FZD1: variants seen among roughly 807,000 people sequenced by gnomAD.
FZD1 encodes the protein frizzled-1.
In FZD1, 22 loss-of-function variants were observed where a neutral mutation model predicts 48.0. The observed-to-expected ratio is 0.46, with a 90% confidence interval of 0.33 to 0.65. FZD1 has a LOEUF of 0.65. Ranked by LOEUF, FZD1 falls within the 30% of genes least tolerant of loss-of-function variation. FZD1 has a pLI of 0.02. For missense variants in FZD1, 843 were observed against 898.1 expected (o/e 0.94, Z 0.78); for synonymous variants, 486 against 409.6 (o/e 1.19, Z -2.25).
Position 91,267,413 on chromosome 7 carries a change from CCTT to C in FZD1, c.*592_*594del, listed in dbSNP as rs1284748615. 1 of 167,766 alleles carries C rather than the reference CCTT, an allele frequency of 6.0e-6. No individual in the cohort carries two copies. Among genetic ancestry groups the C allele is most frequent in the African/African-American group, 2.4e-5 (1 of 41,468 alleles). 10.4% of individuals were successfully genotyped at this position (167,766 alleles called of 1,614,324 possible). A position where few individuals can be genotyped will look rare whatever the true frequency, so the allele number is the denominator to read the frequency against. On this transcript the variant is annotated 3_prime_UTR_variant, in exon 1 of 1. Transcript: ENST00000287934. ...CCTCCTCCTTTTGCCCCCTCCCCCTCCTTCTGTCCCCTCCCTTTCTTTCCTGGC... is the reference window on the plus strand; with the variant it reads ...CCTCCTCCTTTTGCCCCCTCCCCCTCCTGTCCCCTCCCTTTCTTTCCTGGC...
At position 91,264,719 on chromosome 7, in the gene FZD1, G is replaced by T. The variant is rs1183724267; in HGVS notation, c.-162G>T. On this transcript the variant is annotated 5_prime_UTR_variant, in exon 1 of 1. Coordinates refer to ENST00000287934, the MANE Select transcript of FZD1 (RefSeq NM_003505.2). Reference sequence around the variant, plus strand: ...AATCGCAAGTTTCCGCGGCGGCGGCGGCTGCGGTACGCAGAACAGGAGCCG... The same window carrying T: ...AATCGCAAGTTTCCGCGGCGGCGGCTGCTGCGGTACGCAGAACAGGAGCCG... 1 of 432,468 alleles carries T rather than the reference G, an allele frequency of 2.3e-6. No homozygotes were observed. Among genetic ancestry groups the T allele is most frequent in the Admixed American group, 4.4e-5 (1 of 22,528 alleles). 26.8% of individuals were successfully genotyped at this position (432,468 alleles called of 1,614,324 possible).
chr7:91,264,873 G>A lies in FZD1; in HGVS notation c.-8G>A, dbSNP rs770288124. 5.9e-5 allele frequency: 76 copies of A among 1,289,668 alleles called. No individual in the cohort carries two copies. Among genetic ancestry groups the A allele is most frequent in the Non-Finnish European group, 7.1e-5 (73 of 1,022,410 alleles). 79.9% of individuals were successfully genotyped at this position (1,289,668 alleles called of 1,614,324 possible). A position where few individuals can be genotyped will look rare whatever the true frequency, so the allele number is the denominator to read the frequency against. On this transcript the variant is annotated 5_prime_UTR_variant, in exon 1 of 1. Transcript: ENST00000287934. ...GCGGAGCGGCGCCAAGAGAGGAGCC[G>A]AGAAAGTATGGCTGAGGAGGAGGCG...
rs1168321048 is a variant in FZD1 at position 91,266,080 on chromosome 7, G to A, written c.1200G>A (p.Glu400=). 1 of 1,614,242 alleles carries A rather than the reference G, an allele frequency of 6.2e-7. No homozygotes were observed. The highest frequency in any genetic ancestry group is 8.5e-7 in the Non-Finnish European group (1 of 1,180,050). ...ARTVAQGTKK[E]GCTILFMMLY... Reference sequence around the variant, plus strand: ...CTGTGGCGCAGGGCACCAAGAAGGAGGGCTGCACCATCCTCTTCATGATGC... The same window carrying A: ...CTGTGGCGCAGGGCACCAAGAAGGAAGGCTGCACCATCCTCTTCATGATGC... Residue 400 remains glutamate, a synonymous_variant, in exon 1 of 1, where the codon GAG becomes GAA. Coordinates refer to ENST00000287934, the MANE Select transcript of FZD1 (RefSeq NM_003505.2). This position sits in a 1 kb window ranked among gnomAD's most constrained non-coding sequence, Gnocchi z 6.8.
At position 91,266,987 on chromosome 7, in the gene FZD1, T is replaced by TC. The variant is rs1803895212; in HGVS notation, c.*166dup. The TC allele has an allele frequency of 1.7e-6, 1 of 584,144 alleles. No homozygotes were observed. Among genetic ancestry groups the TC allele is most frequent in the African/African-American group, 1.9e-5 (1 of 53,516 alleles). The allele number at this position is 584,144 out of a possible 1,614,324, so 36.2% of individuals were successfully genotyped here. On this transcript the variant is annotated 3_prime_UTR_variant, in exon 1 of 1. Coordinates refer to ENST00000287934, the MANE Select transcript of FZD1 (RefSeq NM_003505.2). This position sits in a 1 kb window ranked among gnomAD's most constrained non-coding sequence, Gnocchi z 6.8. ...AACTCAGCTCCTGCAAAAGCTTCCG[T>TC]CCCTGAGGCAAAAGGACACGAGGGC...
chr7:91,266,950 G>C lies in FZD1; in HGVS notation c.*126G>C. ...CTCACTAGACAACTCTCTTTCGCAG[G>C]CTCCTTTGAACAACTCAGCTCCTGC... On this transcript the variant is annotated 3_prime_UTR_variant, in exon 1 of 1. Coordinates refer to ENST00000287934, the MANE Select transcript of FZD1 (RefSeq NM_003505.2). This position sits in a 1 kb window ranked among gnomAD's most constrained non-coding sequence, Gnocchi z 6.8. The C allele has an allele frequency of 1.5e-6, 1 of 671,742 alleles. No individual in the cohort carries two copies. Among genetic ancestry groups the C allele is most frequent in the East Asian group, 2.7e-5 (1 of 37,676 alleles). 41.6% of individuals were successfully genotyped at this position (671,742 alleles called of 1,614,324 possible).
chr7:91,266,839 C>A lies in FZD1; in HGVS notation c.*15C>A. ...CTACAGTCTGAGACCCGGGGCTCAG[C>A]CCATGCCCAGGCCTCGGCCGGGGCG... On this transcript the variant is annotated 3_prime_UTR_variant, in exon 1 of 1. Transcript: ENST00000287934. The surrounding 1 kb of genome is among the most constrained non-coding windows in gnomAD (Gnocchi z 6.8). 2 of 1,521,726 alleles carry A rather than the reference C, an allele frequency of 1.3e-6. No homozygotes were observed. The highest frequency in any genetic ancestry group is 1.8e-6 in the Non-Finnish European group (2 of 1,121,384). The allele number at this position is 1,521,726 out of a possible 1,614,324, so 94.3% of individuals were successfully genotyped here. A position where few individuals can be genotyped will look rare whatever the true frequency, so the allele number is the denominator to read the frequency against.
In FZD1 at chr7:91,267,291, C is replaced by G. The variant is rs879395560; in HGVS notation, c.*467C>G. ...CTCCTGGTCGTCCTCGCGCGCCTCTCCCTACCACGGGTGCTCGGGACGGCT... is the reference window on the plus strand; with the variant it reads ...CTCCTGGTCGTCCTCGCGCGCCTCTGCCTACCACGGGTGCTCGGGACGGCT... On this transcript the variant is annotated 3_prime_UTR_variant, in exon 1 of 1. Transcript: ENST00000287934. 3.0e-5 allele frequency: 5 copies of G among 169,138 alleles called. No individual in the cohort carries two copies. The Admixed American group carries it at 3.2e-4, about 11-fold the overall frequency. The allele number at this position is 169,138 out of a possible 1,614,324, so 10.5% of individuals were successfully genotyped here. A position where few individuals can be genotyped will look rare whatever the true frequency, so the allele number is the denominator to read the frequency against.
In FZD1 at chr7:91,266,869, G is replaced by T; in HGVS notation, c.*45G>T. The T allele has an allele frequency of 7.6e-7, 1 of 1,309,586 alleles. No individual in the cohort carries two copies. Among genetic ancestry groups the T allele is most frequent in the Non-Finnish European group, 1.1e-6 (1 of 941,838 alleles). 81.1% of individuals were successfully genotyped at this position (1,309,586 alleles called of 1,614,324 possible). Reference sequence around the variant, plus strand: ...GCCCAGGCCTCGGCCGGGGCGCAGCGATCCCCCAAAGCCAGCGCCGTGGAG... The same window carrying T: ...GCCCAGGCCTCGGCCGGGGCGCAGCTATCCCCCAAAGCCAGCGCCGTGGAG... On this transcript the variant is annotated 3_prime_UTR_variant, in exon 1 of 1. Transcript: ENST00000287934. This position sits in a 1 kb window ranked among gnomAD's most constrained non-coding sequence, Gnocchi z 6.8.
rs1803843526 is a variant in FZD1, at chr7:91,264,919, C to A, written c.39C>A (p.Ala13=). ...EEEAPKKSRA[A]GGGASWELCA... The stretch of plus-strand genomic sequence containing the variant: ...AGGCGCCTAAGAAGTCCCGGGCCGC[C>A]GGCGGTGGCGCGAGCTGGGAACTTT... Residue 13 remains alanine (A), a synonymous_variant, in exon 1 of 1, where the codon GCC becomes GCA. Transcript: ENST00000287934. 3.8e-6 allele frequency: 5 copies of A among 1,332,746 alleles called. No individual in the cohort carries two copies. The highest frequency in any genetic ancestry group is 4.8e-6 in the Non-Finnish European group (5 of 1,046,402). 82.6% of individuals were successfully genotyped at this position (1,332,746 alleles called of 1,614,324 possible).
At position 91,266,874 on chromosome 7, in the gene FZD1, C is replaced by G; in HGVS notation, c.*50C>G. On this transcript the variant is annotated 3_prime_UTR_variant, in exon 1 of 1. Coordinates refer to ENST00000287934, the MANE Select transcript of FZD1 (RefSeq NM_003505.2). The surrounding 1 kb of genome is among the most constrained non-coding windows in gnomAD (Gnocchi z 6.8). ...GGCCTCGGCCGGGGCGCAGCGATCC[C>G]CCAAAGCCAGCGCCGTGGAGTTCGT... 7.9e-7 allele frequency: 1 copy of G among 1,266,610 alleles called. No homozygotes were observed. Among genetic ancestry groups the G allele is most frequent in the South Asian group, 1.4e-5 (1 of 70,620 alleles). 78.5% of individuals were successfully genotyped at this position (1,266,610 alleles called of 1,614,324 possible).
rs748017272 is a variant in FZD1, at chr7:91,266,225, C to T, written c.1345C>T (p.Leu449=). 3.1e-6 allele frequency: 5 copies of T among 1,614,016 alleles called. No homozygotes were observed. The South Asian group carries it at 5.5e-5, about 18-fold the overall frequency. Residue 449 remains leucine (L), a synonymous_variant, in exon 1 of 1, where the codon CTG becomes TTG. Coordinates refer to ENST00000287934, the MANE Select transcript of FZD1 (RefSeq NM_003505.2). The surrounding 1 kb of genome is among the most constrained non-coding windows in gnomAD (Gnocchi z 6.8). ...AIEANSQYFH[L]AAWAVPAIKT... Reference sequence around the variant, plus strand: ...CGAAGCCAACTCACAGTATTTTCACCTGGCCGCCTGGGCTGTGCCGGCCAT... The same window carrying T: ...CGAAGCCAACTCACAGTATTTTCACTTGGCCGCCTGGGCTGTGCCGGCCAT...
At position 91,264,922 on chromosome 7, in the gene FZD1, C is replaced by T. The variant is rs751018774; in HGVS notation, c.42C>T (p.Gly14=). 19 of 1,334,988 alleles carry T rather than the reference C, an allele frequency of 1.4e-5. No individual in the cohort carries two copies. Among genetic ancestry groups the T allele is most frequent in the Admixed American group, 7.9e-5 (2 of 25,426 alleles). 82.7% of individuals were successfully genotyped at this position (1,334,988 alleles called of 1,614,324 possible). A position where few individuals can be genotyped will look rare whatever the true frequency, so the allele number is the denominator to read the frequency against. The change falls in exon 1 of 1, where the codon GGC becomes GGT. Residue 14 remains glycine, a synonymous_variant. Coordinates refer to ENST00000287934, the MANE Select transcript of FZD1 (RefSeq NM_003505.2). ...CGCCTAAGAAGTCCCGGGCCGCCGG[C>T]GGTGGCGCGAGCTGGGAACTTTGTG... The part of the protein sequence containing the change: ...EEAPKKSRAA[G]GGASWELCAG...
Position 91,269,428 on chromosome 7 carries a change from ATATGGT to A in FZD1, c.*2609_*2614del, listed in dbSNP as rs1184581790. ...TTTACTTACATTTCATAATATGGAA[ATATGGT>A]TATGAGAAATGGAAAATGCTAGATG... On this transcript the variant is annotated 3_prime_UTR_variant, in exon 1 of 1. Transcript: ENST00000287934. 2.4e-5 allele frequency: 4 copies of A among 166,986 alleles called. No homozygotes were observed. Among genetic ancestry groups the A allele is most frequent in the African/African-American group, 4.8e-5 (2 of 41,464 alleles). 10.3% of individuals were successfully genotyped at this position (166,986 alleles called of 1,614,324 possible). A position where few individuals can be genotyped will look rare whatever the true frequency, so the allele number is the denominator to read the frequency against.
In FZD1 at chr7:91,265,129, C is replaced by G; in HGVS notation, c.249C>G (p.Pro83=). 1 of 1,536,378 alleles carries G rather than the reference C, an allele frequency of 6.5e-7. No homozygotes were observed. Among genetic ancestry groups the G allele is most frequent in the Non-Finnish European group, 8.8e-7 (1 of 1,139,598 alleles). ...CGGGCCAGGGGCCAGGCCAGGGGCC[C>G]GGGCCGGGGCAGCAACCGCCGCCGC... ...QAAGQGPGQG[P]GPGQQPPPPP... Residue 83 remains proline (P), a synonymous_variant, in exon 1 of 1, where the codon CCC becomes CCG. Coordinates refer to ENST00000287934, the MANE Select transcript of FZD1 (RefSeq NM_003505.2). The surrounding 1 kb of genome is among the most constrained non-coding windows in gnomAD (Gnocchi z 6.9).
In FZD1 at chr7:91,266,436, T is replaced by A; in HGVS notation, c.1556T>A (p.Ile519Asn). 1 of 1,614,166 alleles carries A rather than the reference T, an allele frequency of 6.2e-7. No individual in the cohort carries two copies. The highest frequency in any genetic ancestry group is 8.5e-7 in the Non-Finnish European group (1 of 1,180,024). ...GFVSLFRIRTIMKHDGTKTEK... is the reference protein window; with the variant it reads ...GFVSLFRIRTNMKHDGTKTEK... ...GTGTCGCTCTTCCGCATCCGCACCA[T>A]CATGAAGCACGATGGCACCAAGACC... Residue 519 changes from isoleucine (I) to asparagine (N), a missense_variant, in exon 1 of 1, where the codon ATC becomes AAC. Transcript: ENST00000287934. The surrounding 1 kb of genome is among the most constrained non-coding windows in gnomAD (Gnocchi z 6.8).
rs370725638 is a variant in FZD1 at position 91,266,047 on chromosome 7, G to C, written c.1167G>C (p.Gly389=). 2 of 1,614,066 alleles carry C rather than the reference G, an allele frequency of 1.2e-6. No homozygotes were observed. Among genetic ancestry groups the C allele is most frequent in the Admixed American group, 1.7e-5 (1 of 60,014 alleles). Residue 389 remains glycine (G), a synonymous_variant, in exon 1 of 1, where the codon GGG becomes GGC. Coordinates refer to ENST00000287934, the MANE Select transcript of FZD1 (RefSeq NM_003505.2). The surrounding 1 kb of genome is among the most constrained non-coding windows in gnomAD (Gnocchi z 6.8). ...GTAATGACAAGTTCGCCGAGGACGG[G>C]GCACGCACTGTGGCGCAGGGCACCA... ...VVCNDKFAED[G]ARTVAQGTKK... is the part of the protein sequence containing the mutation.
Position 91,264,911 on chromosome 7 carries a change from C to T in FZD1, c.31C>T (p.Arg11Trp), listed in dbSNP as rs1488352054. 7.5e-7 allele frequency: 1 copy of T among 1,326,138 alleles called. No homozygotes were observed. The highest frequency in any genetic ancestry group is 4.0e-5 in the Admixed American group (1 of 25,012). The allele number at this position is 1,326,138 out of a possible 1,614,324, so 82.1% of individuals were successfully genotyped here. MAEEEAPKKS[R>W]AAGGGASWEL... ...TGAGGAGGAGGCGCCTAAGAAGTCC[C>T]GGGCCGCCGGCGGTGGCGCGAGCTG... The change falls in exon 1 of 1, where the codon CGG (arginine) becomes TGG (tryptophan). Residue 11 changes from arginine to tryptophan, a missense_variant. Coordinates refer to ENST00000287934, the MANE Select transcript of FZD1 (RefSeq NM_003505.2).
In FZD1 at chr7:91,266,829, C is replaced by G; in HGVS notation, c.*5C>G. The G allele has an allele frequency of 6.4e-7, 1 of 1,560,048 alleles. No individual in the cohort carries two copies. Among genetic ancestry groups the G allele is most frequent in the Non-Finnish European group, 8.7e-7 (1 of 1,147,728 alleles). On this transcript the variant is annotated 3_prime_UTR_variant, in exon 1 of 1. Transcript: ENST00000287934. The surrounding 1 kb of genome is among the most constrained non-coding windows in gnomAD (Gnocchi z 6.8). The stretch of plus-strand genomic sequence containing the variant: ...CAAGGGGAGACTACAGTCTGAGACC[C>G]GGGGCTCAGCCCATGCCCAGGCCTC...
At position 91,266,503 on chromosome 7, in the gene FZD1, C is replaced by G; in HGVS notation, c.1623C>G (p.Ser541Arg). ...TCATGGTGCGCATTGGCGTCTTCAGCGTGCTGTACACTGTGCCAGCCACCA... is the reference window on the plus strand; with the variant it reads ...TCATGGTGCGCATTGGCGTCTTCAGGGTGCTGTACACTGTGCCAGCCACCA... ...EKLMVRIGVF[S>R]VLYTVPATIV... Residue 541 changes from serine to arginine, a missense_variant, in exon 1 of 1, where the codon AGC becomes AGG. Around this residue, in one of 2 missense-constraint regions of FZD1, gnomAD observed 353 missense variants for 431.6 expected, o/e 0.82. Transcript: ENST00000287934. The surrounding 1 kb of genome is among the most constrained non-coding windows in gnomAD (Gnocchi z 6.8). The G allele has an allele frequency of 6.2e-7, 1 of 1,614,032 alleles. No individual in the cohort carries two copies. Among genetic ancestry groups the G allele is most frequent in the Non-Finnish European group, 8.5e-7 (1 of 1,180,024 alleles).
Sources: gnomAD v4.1 joint callset for allele counts on GRCh38, gnomAD v4.1.1 for gene constraint, gnomAD v4.1.1 regional missense constraint, Gnocchi (gnomAD v3.1) non-coding constraint, MANE v1.5 for transcripts, NCBI Gene and HGNC (gene_info 2026-07-23, HGNC 2026-07-21) for gene names.